SMG6: variants seen among roughly 807,000 people sequenced by gnomAD.
SMG6 encodes SMG6 nonsense mediated mRNA decay factor.
Under a neutral mutation model 142.2 loss-of-function variants are expected in SMG6, and 66 were observed. The observed-to-expected ratio is 0.46, with a 90% CI of 0.38 to 0.57. SMG6 has a LOEUF of 0.57. Among genes scored for constraint, SMG6 ranks in the 20% least tolerant of loss-of-function variants. SMG6 has a pLI of 0.00. For missense variants in SMG6, 1,793 were observed against 1,832.0 expected (o/e 0.98, Z 0.39); for synonymous variants, 779 against 702.4 (o/e 1.11, Z -1.72).
intron 12 of SMG6, among the ~76,000 whole-genome samples, chr17:2,181,310 T>G (rs577420990): frequency 6.6e-6 from 1 of 152,262 alleles, no homozygotes; most frequent in African/African-American, 2.4e-5. Context: ...CTACCCTCAG[T>G]GGTAGTCAGG....
intron 18 of SMG6, 160 bp from the exon 19 acceptor site, chr17:2,061,782 G>C: frequency 1.2e-6 from 1 of 818,636 alleles, no homozygotes. Flanking sequence ...TCTCAGCCCC[G>C]GGGACCCTCC....
intron 6 of SMG6, among the ~76,000 whole-genome samples, chr17:2,291,486 G>T: frequency 6.6e-6 from 1 of 151,930 alleles, no homozygotes; most frequent in Admixed American, 6.6e-5. Flanking sequence ...CAAAGAGGGC[G>T]GGAAAAAAAA....
intron 9 of SMG6, among the ~76,000 whole-genome samples, chr17:2,242,901 C>T (rs1273804793): frequency 6.6e-6 from 1 of 152,068 alleles, no homozygotes; most frequent in Non-Finnish European, 1.5e-5. Context: ...TACTAGAATA[C>T]TACATATTTC....
Position 2,107,424 on chromosome 17 carries a change from T to G in SMG6, c.3358-21523A>C, listed in dbSNP as rs2069184813. The stretch of plus-strand genomic sequence containing the variant: ...TATGGAAAATGGAGTATGCAGTGTA[T>G]CTGGCTCCTGGTTCTGACTTGTAAA... On this transcript the variant is annotated intron_variant, in intron 13 of 18. Transcript: ENST00000263073. Among the ~76,000 whole-genome samples, 3 of 152,194 alleles carry G rather than the reference T, an allele frequency of 2.0e-5. No homozygotes were observed. In the South Asian group the frequency reaches 6.2e-4, roughly 31 times the overall value.
intron 15 of SMG6, among the ~76,000 whole-genome samples, chr17:2,080,512 C>T (rs1246805745): frequency 6.6e-6 from 1 of 152,178 alleles, no homozygotes; most frequent in Non-Finnish European, 1.5e-5. Flanking sequence ...AAATATCAGA[C>T]AAAGGTGGCC....
At chr17:2,259,650 G>C (rs2074268516) in intron 8 of SMG6, among the ~76,000 whole-genome samples, 1 of 147,780 alleles carries the variant, frequency 6.8e-6, no homozygotes, top group African/African-American at 2.5e-5. Context: ...TCCAGCCTGG[G>C]TGACAAAACG....
intron 13 of SMG6, among the ~76,000 whole-genome samples, chr17:2,128,406 G>A (rs2069976509): frequency 6.6e-6 from 1 of 152,202 alleles, no homozygotes; most frequent in African/African-American, 2.4e-5. Context: ...ACGGTGTCAA[G>A]TAGAACACTT....
intron 13 of SMG6, among the ~76,000 whole-genome samples, chr17:2,150,641 A>T (rs2070798483): frequency 6.6e-6 from 1 of 152,224 alleles, no homozygotes; most frequent in Non-Finnish European, 1.5e-5. Flanking sequence ...TTCAACTCTG[A>T]TGGCCATCTT....
chr17:2,282,833 A>C lies in SMG6; in HGVS notation c.2475T>G (p.His825Gln). The C allele has an allele frequency of 6.2e-7, 1 of 1,614,114 alleles. No individual in the cohort carries two copies. Among genetic ancestry groups the C allele is most frequent in the Non-Finnish European group, 8.5e-7 (1 of 1,180,030 alleles). Residue 825 changes from histidine (H) to glutamine (Q), a missense_variant, in exon 8 of 19, where the codon CAT becomes CAG. Transcript: ENST00000263073. ...RKAEQMEKKQ[H>Q]EEFDLSPDQW... ...GGTCAGGGCTCAGGTCAAATTCCTC[A>C]TGTTGCTTCTTTTCCATCTGTTCTG...
intron 6 of SMG6, among the ~76,000 whole-genome samples, chr17:2,291,197 G>A (rs113248613): frequency 1.6e-4 from 24 of 152,244 alleles, no homozygotes; most frequent in Admixed American, 7.8e-4. Flanking sequence ...CGGGCGTGGT[G>A]GCGGGCGCCT....
rs769895771 is a variant in SMG6 at position 2,085,150 on chromosome 17, A to G, written c.3534+575T>C. Among the ~76,000 whole-genome samples the G allele has an allele frequency of 2.0e-4, 31 of 151,774 alleles. No individual in the cohort carries two copies. The highest frequency in any genetic ancestry group is 4.2e-4 in the South Asian group (2 of 4,796). On this transcript the variant is annotated intron_variant, in intron 14 of 18. Transcript: ENST00000263073. The surrounding 1 kb of genome is among the most constrained non-coding windows in gnomAD (Gnocchi z 4.1). ...TGCGCACACACACACACAGACGCGC[A>G]CACACACACACAGACACACACACAC... is the stretch of plus-strand genomic sequence containing the variant.
chr17:2,091,675 T>C (rs866359752), intron 13 of SMG6, among the ~76,000 whole-genome samples: 2,996 of 28,870 alleles, frequency 0.1, 118 homozygotes, highest in African/African-American at 0.27. Flanking sequence ...TCTTTTTGCT[T>C]TTTTTTTTTT....
intron 12 of SMG6, among the ~76,000 whole-genome samples, chr17:2,182,026 G>A (rs1156922427): frequency 1.3e-5 from 2 of 152,178 alleles, no homozygotes; most frequent in Non-Finnish European, 2.9e-5. Flanking sequence ...ACCTGTGGTT[G>A]TGAGGTGAGG....
At chr17:2,210,717 A>G (rs1242808921) in intron 10 of SMG6, among the ~76,000 whole-genome samples, 1 of 150,082 alleles carries the variant, frequency 6.7e-6, no homozygotes, top group Non-Finnish European at 1.5e-5. Flanking sequence ...CAGATACAGC[A>G]TTTCTGGAAA....
chr17:2,299,229 A>T lies in SMG6; in HGVS notation c.1524T>A (p.Tyr508Ter). The T allele has an allele frequency of 6.2e-7, 1 of 1,613,968 alleles. No individual in the cohort carries two copies. The highest frequency in any genetic ancestry group is 8.5e-7 in the Non-Finnish European group (1 of 1,179,984). ...CAGGGCCTGGTGTCCGGGGGTAATAATAGGGGTTGTCAGAGTTTTGAAACT... is the reference window on the plus strand; with the variant it reads ...CAGGGCCTGGTGTCCGGGGGTAATATTAGGGGTTGTCAGAGTTTTGAAACT... The part of the protein sequence containing the change: ...YYKFQNSDNP[Y>*]YYPRTPGPAS... The change falls in exon 2 of 19, where the codon TAT (tyrosine) becomes TAA (stop). Residue 508 changes from tyrosine to a stop codon, truncating the protein, a stop_gained. Transcript: ENST00000263073. LOFTEE classifies it high-confidence loss of function. This position sits in a 1 kb window ranked among gnomAD's most constrained non-coding sequence, Gnocchi z 4.3.
chr17:2,138,584 T>C (rs761050469), intron 13 of SMG6, among the ~76,000 whole-genome samples: 1 of 152,186 alleles, frequency 6.6e-6, no homozygotes, highest in Non-Finnish European at 1.5e-5. Flanking sequence ...CCTAGCAGCA[T>C]GGGGTACAAA....
chr17:2,203,075 GA>G (rs1170021293), intron 10 of SMG6, among the ~76,000 whole-genome samples: 1 of 152,084 alleles, frequency 6.6e-6, no homozygotes, highest in East Asian at 1.9e-4. Flanking sequence ...CTCTCTACAA[GA>G]AAAAATGAAA....
chr17:2,064,641 C>A (rs1205823171), intron 18 of SMG6, among the ~76,000 whole-genome samples: 2 of 152,200 alleles, frequency 1.3e-5, no homozygotes, highest in Non-Finnish European at 1.5e-5. Flanking sequence ...GGAAGGTAAG[C>A]ATGGCCAAGA....
chr17:2,135,476 C>A (rs996325967), intron 13 of SMG6, among the ~76,000 whole-genome samples: 1 of 152,138 alleles, frequency 6.6e-6, no homozygotes, highest in African/African-American at 2.4e-5. Context: ...CCCGTCCACC[C>A]CCACCAACCC....
Sources: gnomAD v4.1 joint callset for allele counts (sites outside exome capture counted in the v4.1 genomes callset) on GRCh38, gnomAD v4.1.1 for gene constraint, Gnocchi (gnomAD v3.1) non-coding constraint, MANE v1.5 for transcripts, NCBI Gene and HGNC (gene_info 2026-07-23, HGNC 2026-07-21) for gene names.